Variants in AGBL1 observed in about 807,000 individuals in gnomAD.
The protein encoded by AGBL1 is AGBL carboxypeptidase 1.
Under a neutral mutation model 118.9 loss-of-function variants are expected in AGBL1, and 130 were observed. That is an observed-to-expected ratio of 1.09 (90% CI 0.95 to 1.26). The LOEUF is 1.26. Ranked by LOEUF, AGBL1 falls within the 50% of genes most tolerant of loss-of-function variation. The pLI, the probability that AGBL1 is intolerant of heterozygous loss-of-function variation, is 0.00. For synonymous variants in AGBL1, 555 were observed against 478.9 expected (o/e 1.16, Z -2.08); for missense variants, 1,584 against 1,298.1 (o/e 1.22, Z -3.38).
chr15:86,581,657 G>C (rs2084174297), intron 21 of AGBL1, among the ~76,000 whole-genome samples: 1 of 152,084 alleles, frequency 6.6e-6, no homozygotes, highest in Non-Finnish European at 1.5e-5. Flanking sequence ...ACCCATGAAT[G>C]GGTTGAGTAC....
At chr15:86,085,450 C>T (rs75797473) in intron 1 of AGBL1, among the ~76,000 whole-genome samples, 2,169 of 152,328 alleles carry the variant, frequency 0.014, 35 homozygotes, top group South Asian at 0.076. Context: ...TTGGTAATGG[C>T]TGCCTATTCC....
intron 22 of AGBL1, among the ~76,000 whole-genome samples, chr15:86,824,488 A>G (rs190491757): frequency 2.0e-4 from 31 of 152,278 alleles, no homozygotes; most frequent in African/African-American, 6.7e-4. Flanking sequence ...AAAACTCTAT[A>G]TAGTAAAGAT....
intron 22 of AGBL1, among the ~76,000 whole-genome samples, chr15:86,809,430 T>C (rs2078760084): frequency 6.6e-6 from 1 of 152,184 alleles, no homozygotes; most frequent in Admixed American, 6.6e-5. Context: ...TGCTGAGCTA[T>C]TCCATAACCA....
chr15:86,147,970 G>A (rs976055454), intron 3 of AGBL1, among the ~76,000 whole-genome samples: 7 of 152,174 alleles, frequency 4.6e-5, no homozygotes, highest in African/African-American at 1.7e-4. Context: ...AGCCTCTGCT[G>A]GTGATACCCA....
At chr15:86,320,627 G>A (rs2080091130) in intron 17 of AGBL1, among the ~76,000 whole-genome samples, 1 of 151,690 alleles carries the variant, frequency 6.6e-6, no homozygotes, top group Non-Finnish European at 1.5e-5. Context: ...ATTATATGCG[G>A]TGATAGTGAG....
intron 18 of AGBL1, among the ~76,000 whole-genome samples, chr15:86,421,260 T>A (rs2081785880): frequency 6.6e-6 from 1 of 151,920 alleles, no homozygotes; most frequent in Non-Finnish European, 1.5e-5. Flanking sequence ...TAACAGCATA[T>A]CTCTCTATGG....
intron 1 of AGBL1, among the ~76,000 whole-genome samples, chr15:86,113,287 CTTT>C (rs548790563): frequency 4.1e-5 from 4 of 97,382 alleles, no homozygotes; most frequent in Admixed American, 2.2e-4. Flanking sequence ...TTCTTTCTTT[CTTT>C]TTTTTTTTTT....
chr15:86,880,385 A>G (rs2079873671), intron 22 of AGBL1, among the ~76,000 whole-genome samples: 1 of 152,200 alleles, frequency 6.6e-6, no homozygotes. Context: ...GGAAACAGGG[A>G]GCAAACTTGT....
chr15:86,405,526 A>T (rs1229921587), intron 18 of AGBL1, among the ~76,000 whole-genome samples: 1 of 151,676 alleles, frequency 6.6e-6, no homozygotes, highest in East Asian at 1.9e-4. Flanking sequence ...AAAAAGCAAA[A>T]AAACAACAAC....
intron 22 of AGBL1, among the ~76,000 whole-genome samples, chr15:86,827,066 A>T (rs567171740): frequency 1.2e-4 from 18 of 151,136 alleles, no homozygotes; most frequent in African/African-American, 3.4e-4. Context: ...TGTGGTAAAG[A>T]TCCCTCTGAT....
At chr15:86,300,512 A>G (rs1457858808) in intron 17 of AGBL1, among the ~76,000 whole-genome samples, 1 of 152,190 alleles carries the variant, frequency 6.6e-6, no homozygotes, top group Non-Finnish European at 1.5e-5. Flanking sequence ...ATGAATAGTC[A>G]CAGGCTGATT....
chr15:86,769,222 A>G (rs992617915), intron 22 of AGBL1, among the ~76,000 whole-genome samples: 1 of 150,190 alleles, frequency 6.7e-6, no homozygotes, highest in Admixed American at 6.6e-5. Context: ...AGAGAGAGAG[A>G]GAGGAAAGGA....
chr15:86,738,624 A>G (rs902794648), intron 22 of AGBL1, among the ~76,000 whole-genome samples: 3 of 152,210 alleles, frequency 2.0e-5, no homozygotes, highest in Non-Finnish European at 4.4e-5. Flanking sequence ...TCCATTATGC[A>G]TTATTGCCAA....
intron 21 of AGBL1, among the ~76,000 whole-genome samples, chr15:86,565,767 C>T (rs185791022): frequency 7.2e-4 from 110 of 152,332 alleles, no homozygotes; most frequent in African/African-American, 2.4e-3. Context: ...CTTGAGCTGC[C>T]TTGGGCTCCA....
At chr15:86,973,961 C>CGTTT (rs2081139203) in intron 23 of AGBL1, among the ~76,000 whole-genome samples, 1 of 137,960 alleles carries the variant, frequency 7.2e-6, no homozygotes, top group Admixed American at 7.4e-5. Flanking sequence ...TAAATATAAA[C>CGTTT]ATATTTAATA....
At chr15:86,691,803 T>C (rs2086177239) in intron 22 of AGBL1, among the ~76,000 whole-genome samples, 1 of 152,168 alleles carries the variant, frequency 6.6e-6, no homozygotes, top group South Asian at 2.1e-4. Flanking sequence ...AAATGGTACA[T>C]TAACTATGAT....
At chr15:86,975,092 C>A (rs918460595) in intron 23 of AGBL1, among the ~76,000 whole-genome samples, 5 of 151,876 alleles carry the variant, frequency 3.3e-5, no homozygotes, top group Non-Finnish European at 7.4e-5. Flanking sequence ...CTTTCTGGAG[C>A]TTTTTTGAGA....
chr15:86,122,376 CT>C (rs1898141722), intron 1 of AGBL1, among the ~76,000 whole-genome samples: 1 of 152,168 alleles, frequency 6.6e-6, no homozygotes, highest in Non-Finnish European at 1.5e-5. Context: ...GATACTGCCC[CT>C]CCAAGAGATA....
intron 22 of AGBL1, among the ~76,000 whole-genome samples, chr15:86,686,622 A>G (rs1020357059): frequency 6.6e-6 from 1 of 151,916 alleles, no homozygotes; most frequent in African/African-American, 2.4e-5. Context: ...TATCTTTAGT[A>G]GATACAAGGT....
Sources: gnomAD v4.1 joint callset for allele counts (sites outside exome capture counted in the v4.1 genomes callset) on GRCh38, gnomAD v4.1.1 for gene constraint, MANE v1.5 for transcripts, NCBI Gene and HGNC (gene_info 2026-07-23, HGNC 2026-07-21) for gene names.